The following FAM174B variants were observed in gnomAD, a reference collection of about 807,000 sequenced individuals.
FAM174B encodes the protein membrane protein FAM174B.
A neutral mutation model predicts 10.9 loss-of-function variants in FAM174B; 12 were observed. The ratio of observed to expected loss-of-function variants is 1.10; its 90% CI spans 0.71 to 1.79. FAM174B has a LOEUF of 1.79. Among genes scored for constraint, FAM174B ranks in the 40% most tolerant of loss-of-function variants. The probability of loss-of-function intolerance (pLI) is 0.00; values close to 1 mark genes in which losing one functional copy is unlikely to be tolerated. For synonymous variants in FAM174B, 132 were observed against 115.8 expected, an observed-to-expected ratio of 1.14 and a Z score of -0.90; for missense variants, 266 against 233.3, an observed-to-expected ratio of 1.14 and a Z score of -0.91.
At position 92,619,449 on chromosome 15, in the gene FAM174B, A is replaced by G. The variant is rs749276328; in HGVS notation, c.*7T>C. 11 of 1,613,932 alleles carry G rather than the reference A, an allele frequency of 6.8e-6. No individual in the cohort carries two copies. The East Asian group carries it at 2.5e-4, about 36-fold the overall frequency. On this transcript the variant is annotated 3_prime_UTR_variant, in exon 3 of 3. Transcript: ENST00000327355. Reference sequence around the variant, plus strand: ...CCACAGGATGCCACCAGGCTGGGAAACAGGTTTTACCTAAAAGAAAGGGAA... The same window carrying G: ...CCACAGGATGCCACCAGGCTGGGAAGCAGGTTTTACCTAAAAGAAAGGGAA...
intron 2 of FAM174B, among the ~76,000 whole-genome samples, chr15:92,622,197 C>A (rs2050724162): frequency 6.6e-6 from 1 of 152,252 alleles, no homozygotes; most frequent in South Asian, 2.1e-4. Flanking sequence ...ACCAGGCTCT[C>A]TGCCCTCACC....
intron 2 of FAM174B, 114 bp downstream of exon 2, chr15:92,630,100 C>T (rs1446257787): frequency 9.4e-7 from 1 of 1,063,600 alleles, no homozygotes; most frequent in African/African-American, 1.6e-5. Context: ...CAGAACACCC[C>T]AGGACCCAAC....
chr15:92,652,601 G>C (rs2050973903), intron 1 of FAM174B, among the ~76,000 whole-genome samples: 1 of 152,160 alleles, frequency 6.6e-6, no homozygotes, highest in African/African-American at 2.4e-5. Context: ...CTGCAGTTGA[G>C]GGAGGACAGA....
At chr15:92,632,343 G>T (rs1379725790) in intron 1 of FAM174B, among the ~76,000 whole-genome samples, 1 of 152,170 alleles carries the variant, frequency 6.6e-6, no homozygotes, top group African/African-American at 2.4e-5. Flanking sequence ...AGGAGATAGA[G>T]ACTATCCTGG....
chr15:92,619,628 A>G (rs544812418), intron 2 of FAM174B, 169 bp from the exon 3 acceptor site: 7 of 701,038 alleles, frequency 1.0e-5, no homozygotes, highest in South Asian at 9.7e-5. Context: ...CCACTCTTCC[A>G]GCAAACCCCC....
At chr15:92,653,608 G>A (rs1378415796) in intron 1 of FAM174B, among the ~76,000 whole-genome samples, 1 of 152,268 alleles carries the variant, frequency 6.6e-6, no homozygotes, top group Non-Finnish European at 1.5e-5. Context: ...GCTGAGTGCA[G>A]AAGCCAGCAT....
At position 92,617,750 on chromosome 15, in the gene FAM174B, A is replaced by G; in HGVS notation, c.*1706T>C. 1 of 599,022 alleles carries G rather than the reference A, an allele frequency of 1.7e-6. No individual in the cohort carries two copies. Among genetic ancestry groups the G allele is most frequent in the Middle Eastern group, 3.9e-4 (1 of 2,538 alleles). 37.1% of individuals were successfully genotyped at this position (599,022 alleles called of 1,614,324 possible). ...CCTGAGTACACCGTGGAGAGGAGAG[A>G]TAAAGCAGCCACGGCTGTTCTGTTG... is the stretch of plus-strand genomic sequence containing the variant. On this transcript the variant is annotated 3_prime_UTR_variant, in exon 3 of 3. Coordinates refer to ENST00000327355, the MANE Select transcript of FAM174B (RefSeq NM_207446.3).
At position 92,630,954 on chromosome 15, in the gene FAM174B, T is replaced by C. The variant is rs1240853002; in HGVS notation, c.345-609A>G. Among the ~76,000 whole-genome samples, 4 of 11,016 alleles carry C rather than the reference T, an allele frequency of 3.6e-4. No homozygotes were observed. In the East Asian group the frequency reaches 8.2e-3, roughly 23 times the overall value. The allele number at this position is 11,016 out of a possible 152,430, so 7.2% of individuals were successfully genotyped here. A position where few individuals can be genotyped will look rare whatever the true frequency, so the allele number is the denominator to read the frequency against. On this transcript the variant is annotated intron_variant, in intron 1 of 2. Transcript: ENST00000327355. ...CATATTACATATTATATATTATATA[T>C]TACGTATTACATATTACATATTATA...
Position 92,655,694 on chromosome 15 carries a change from C to A in FAM174B, c.-35G>T, listed in dbSNP as rs776988462. 71 of 1,235,476 alleles carry A rather than the reference C, an allele frequency of 5.7e-5. No homozygotes were observed. The highest frequency in any genetic ancestry group is 1.1e-4 in the African/African-American group (7 of 64,248). The allele number at this position is 1,235,476 out of a possible 1,614,324, so 76.5% of individuals were successfully genotyped here. ...GGTCGGCACAGGATCGGGCAGGGCG[C>A]GCGCGGCTGAGCTCCAGGATCCGCA... On this transcript the variant is annotated 5_prime_UTR_variant, in exon 1 of 3. Coordinates refer to ENST00000327355, the MANE Select transcript of FAM174B (RefSeq NM_207446.3).
chr15:92,643,326 A>G (rs932269935), intron 1 of FAM174B, among the ~76,000 whole-genome samples: 1 of 129,302 alleles, frequency 7.7e-6, no homozygotes, highest in Non-Finnish European at 1.7e-5. Context: ...CAAAGTCATT[A>G]TAAGAAATAG....
At chr15:92,621,608 CAAAAA>C (rs34071146) in intron 2 of FAM174B, among the ~76,000 whole-genome samples, 4 of 131,844 alleles carry the variant, frequency 3.0e-5, no homozygotes, top group Non-Finnish European at 6.5e-5. Flanking sequence ...AAGATCGTCT[CAAAAA>C]AAAAAAAAAA....
Position 92,617,803 on chromosome 15 carries a change from G to A in FAM174B, c.*1653C>T, listed in dbSNP as rs1314531732. The A allele has an allele frequency of 1.9e-6, 1 of 517,242 alleles. No individual in the cohort carries two copies. Among genetic ancestry groups the A allele is most frequent in the East Asian group, 3.4e-5 (1 of 29,348 alleles). The allele number at this position is 517,242 out of a possible 1,614,324, so 32.0% of individuals were successfully genotyped here. On this transcript the variant is annotated 3_prime_UTR_variant, in exon 3 of 3. Coordinates refer to ENST00000327355, the MANE Select transcript of FAM174B (RefSeq NM_207446.3). ...AGTCCCACCCCTCTGGCAAACAGAT[G>A]GGGGAAAACAGAGAAGGAAAGTCAA...
chr15:92,645,352 G>A (rs374043737), intron 1 of FAM174B, among the ~76,000 whole-genome samples: 4 of 152,210 alleles, frequency 2.6e-5, no homozygotes, highest in Non-Finnish European at 5.9e-5. Context: ...GGGGGCTTAC[G>A]CTTCATAGAG....
intron 2 of FAM174B, among the ~76,000 whole-genome samples, chr15:92,629,878 A>T (rs1460606613): frequency 1.3e-5 from 2 of 151,870 alleles, no homozygotes; most frequent in Non-Finnish European, 2.9e-5. Flanking sequence ...TCTAAGGGGG[A>T]GTTCCCCTTC....
intron 2 of FAM174B, among the ~76,000 whole-genome samples, chr15:92,629,113 T>A (rs776363834): frequency 3.3e-4 from 50 of 152,248 alleles, no homozygotes; most frequent in South Asian, 6.2e-4. Flanking sequence ...GGAACACAGG[T>A]GTGGAAGGCT....
chr15:92,644,795 G>A (rs978772837), intron 1 of FAM174B, among the ~76,000 whole-genome samples: 12 of 152,294 alleles, frequency 7.9e-5, no homozygotes, highest in Admixed American at 1.3e-4. Flanking sequence ...CACAAATAGC[G>A]GCACCCTGCC....
intron 1 of FAM174B, among the ~76,000 whole-genome samples, chr15:92,652,346 G>A (rs2050971917): frequency 6.6e-6 from 1 of 152,198 alleles, no homozygotes; most frequent in Admixed American, 6.5e-5. Flanking sequence ...TGACCACGCA[G>A]TCTTAGTGAC....
intron 1 of FAM174B, among the ~76,000 whole-genome samples, chr15:92,632,750 G>A (rs1240479126): frequency 1.3e-5 from 2 of 151,728 alleles, no homozygotes; most frequent in Non-Finnish European, 2.9e-5. Flanking sequence ...TCGAACTCCT[G>A]AACTCAAGCG....
intron 2 of FAM174B, among the ~76,000 whole-genome samples, chr15:92,628,980 G>A (rs1012062647): frequency 2.0e-5 from 3 of 152,112 alleles, no homozygotes; most frequent in African/African-American, 7.2e-5. Flanking sequence ...CAATGTAAAA[G>A]TGCTGATTCT....
Sources: allele counts gnomAD v4.1 joint callset (sites outside exome capture counted in the v4.1 genomes callset), GRCh38; gene constraint gnomAD v4.1.1; transcripts MANE v1.5; gene names NCBI Gene and HGNC (gene_info 2026-07-23, HGNC 2026-07-21).